POU3F3: variants seen among roughly 807,000 people sequenced by gnomAD.
The protein encoded by POU3F3 is POU class 3 homeobox 3.
In POU3F3, 1 loss-of-function variant was observed where a neutral mutation model predicts 8.6. The ratio of observed to expected loss-of-function variants is 0.12; its 90% confidence interval spans 0.04 to 0.55. POU3F3 has a LOEUF of 0.55. Among genes scored for constraint, POU3F3 ranks in the 20% least tolerant of loss-of-function variants. POU3F3 has a pLI of 0.91. For missense variants in POU3F3, 577 were observed against 690.7 expected (o/e 0.84, Z 1.84); for synonymous variants, 418 against 327.4 (o/e 1.28, Z -2.99).
rs1553426511 is a variant in POU3F3 at position 104,857,073 on chromosome 2, ACCGCCGCCGCCCCTGCCGCCG to A, written c.*72_*92del. 3.4e-6 allele frequency: 4 copies of A among 1,164,210 alleles called. No homozygotes were observed. Among genetic ancestry groups the A allele is most frequent in the Non-Finnish European group, 4.2e-6 (4 of 944,484 alleles). 72.1% of individuals were successfully genotyped at this position (1,164,210 alleles called of 1,614,324 possible). On this transcript the variant is annotated 3_prime_UTR_variant, in exon 1 of 1. Coordinates refer to ENST00000361360, the MANE Select transcript of POU3F3 (RefSeq NM_006236.3). ...CGCCGCCTCCGCAGCCGCCGTCAGC[ACCGCCGCCGCCCCTGCCGCCG>A]CCGCCGCCGCCGCCGCCGCCGCTGC...
chr2:104,927,560 C>T, the POU3F3 span, among the ~76,000 whole-genome samples: 23 of 152,000 alleles, frequency 1.5e-4, no homozygotes, highest in South Asian at 4.2e-4. Context: ...TTCGAGATCA[C>T]GCTGGGCAAC....
chr2:104,901,119 T>C, the POU3F3 span, among the ~76,000 whole-genome samples: 2 of 152,204 alleles, frequency 1.3e-5, no homozygotes, highest in Non-Finnish European at 2.9e-5. Context: ...GTCATAGCAT[T>C]TATCTTTCAT....
At position 104,856,290 on chromosome 2, in the gene POU3F3, G is replaced by A. The variant is rs1676566869; in HGVS notation, c.780G>A (p.Val260=). The part of the protein sequence containing the change: ...GAQSLVHPGL[V]RGDTPELAEH... ...AGAGCTTGGTGCACCCGGGGCTGGT[G>A]CGCGGGGACACGCCAGAGCTGGCCG... is the stretch of plus-strand genomic sequence containing the variant. Residue 260 remains valine, a synonymous_variant, in exon 1 of 1, where the codon GTG becomes GTA. Transcript: ENST00000361360. 1.4e-6 allele frequency: 2 copies of A among 1,479,636 alleles called. No homozygotes were observed. Among genetic ancestry groups the A allele is most frequent in the Non-Finnish European group, 8.9e-7 (1 of 1,123,626 alleles). The allele number at this position is 1,479,636 out of a possible 1,614,324, so 91.7% of individuals were successfully genotyped here.
At chr2:104,872,426 G>T in the POU3F3 span, 1 of 431,260 alleles carries the variant, frequency 2.3e-6, no homozygotes, top group African/African-American at 2.0e-5. This position sits in a 1 kb window ranked among gnomAD's most constrained non-coding sequence, Gnocchi z 4.6. Context: ...GAGAAATCCT[G>T]CTTCCAACTG....
chr2:104,923,834 A>G, the POU3F3 span, among the ~76,000 whole-genome samples: 1 of 152,220 alleles, frequency 6.6e-6, no homozygotes, highest in Admixed American at 6.5e-5. Context: ...AAGGACGAGA[A>G]GATATTCTAT....
At chr2:104,902,516 T>A in the POU3F3 span, among the ~76,000 whole-genome samples, 3 of 152,136 alleles carry the variant, frequency 2.0e-5, no homozygotes, top group African/African-American at 7.2e-5. Context: ...AGTCTCAAAG[T>A]TCAACCTTTT....
chr2:104,855,642 AGGGGGC>A lies in POU3F3; in HGVS notation c.141_146del (p.Gly49_Gly50del), dbSNP rs1192743742. The A allele has an allele frequency of 5.1e-6, 2 of 389,210 alleles. No homozygotes were observed. Among genetic ancestry groups the A allele is most frequent in the Non-Finnish European group, 5.9e-6 (2 of 340,994 alleles). 24.1% of individuals were successfully genotyped at this position (389,210 alleles called of 1,614,324 possible). On this transcript the variant is annotated inframe_deletion, in exon 1 of 1. Transcript: ENST00000361360. ...GCGGCGGCGGCGGCGGGGGCGGCGC[AGGGGGC>A]GGGGGCGGCGGCATGCAGCCGGGCA...
the POU3F3 span, among the ~76,000 whole-genome samples, chr2:104,892,782 G>T: frequency 6.6e-6 from 1 of 151,532 alleles, no homozygotes; most frequent in African/African-American, 2.4e-5. Flanking sequence ...TGCCTGGATC[G>T]AAACTCCTGG....
Position 104,857,628 on chromosome 2 carries a change from GA to G in POU3F3, c.*616del, listed in dbSNP as rs1558704085. The stretch of plus-strand genomic sequence containing the variant: ...ACTTTATTTCCTGGGAGCGACCTGA[GA>G]GAAAACAGAGGCACCAGGTTCCATC... On this transcript the variant is annotated 3_prime_UTR_variant, in exon 1 of 1. Transcript: ENST00000361360. 6.5e-6 allele frequency: 1 copy of G among 153,680 alleles called. No homozygotes were observed. The highest frequency in any genetic ancestry group is 2.4e-5 in the African/African-American group (1 of 41,432). The allele number at this position is 153,680 out of a possible 1,614,324, so 9.5% of individuals were successfully genotyped here.
chr2:104,902,880 G>A, the POU3F3 span, among the ~76,000 whole-genome samples: 1 of 152,034 alleles, frequency 6.6e-6, no homozygotes, highest in Admixed American at 6.6e-5. Flanking sequence ...CAATGTTAAG[G>A]GTATGCAGAC....
In POU3F3 at chr2:104,855,328, C is replaced by A. The variant is rs1203290741; in HGVS notation, c.-183C>A. ...GCGGCGGCGGCGGGGGCGGAGGCGG[C>A]GGCGGAGGAGGAGGCGGCGAAGGCG... is the stretch of plus-strand genomic sequence containing the variant. On this transcript the variant is annotated 5_prime_UTR_variant, in exon 1 of 1. Transcript: ENST00000361360. 7.4e-5 allele frequency among the ~76,000 whole-genome samples: 10 copies of A among 135,902 alleles called. No individual in the cohort carries two copies. Among genetic ancestry groups the A allele is most frequent in the African/African-American group, 2.7e-4 (10 of 37,664 alleles). The allele number at this position is 135,902 out of a possible 152,430, so 89.2% of individuals were successfully genotyped here.
chr2:104,916,008 G>A, the POU3F3 span, among the ~76,000 whole-genome samples: 1 of 140,790 alleles, frequency 7.1e-6, no homozygotes, highest in Non-Finnish European at 1.6e-5. Flanking sequence ...CTCCAGCAAG[G>A]GTGGCCCCTC....
At chr2:104,880,239 C>T in the POU3F3 span, among the ~76,000 whole-genome samples, 4 of 152,168 alleles carry the variant, frequency 2.6e-5, no homozygotes, top group Middle Eastern at 3.2e-3. Context: ...CACTCCACAG[C>T]CAGGAGGATG....
At chr2:104,871,120 C>G in the POU3F3 span, among the ~76,000 whole-genome samples, 1,660 of 152,242 alleles carry the variant, frequency 0.011, 33 homozygotes, top group African/African-American at 0.038. Flanking sequence ...TAGGGTCTGC[C>G]GGATTATCAG....
the POU3F3 span, among the ~76,000 whole-genome samples, chr2:104,918,482 G>A: frequency 6.6e-6 from 1 of 152,148 alleles, no homozygotes; most frequent in Admixed American, 6.5e-5. Flanking sequence ...ACTGGTGGAG[G>A]GTGGGCCCTA....
chr2:104,885,539 C>A, the POU3F3 span, among the ~76,000 whole-genome samples: 1 of 152,300 alleles, frequency 6.6e-6, no homozygotes, highest in East Asian at 1.9e-4. Flanking sequence ...CCGCTATATG[C>A]TAATTATAAT....
chr2:104,862,058 T>C (rs947044218), downstream of POU3F3, among the ~76,000 whole-genome samples: 4 of 152,240 alleles, frequency 2.6e-5, no homozygotes. Flanking sequence ...TTGATTTTGT[T>C]AGCCTGGCTC....
the POU3F3 span, among the ~76,000 whole-genome samples, chr2:104,901,812 C>T: frequency 1.2e-3 from 185 of 152,308 alleles, no homozygotes; most frequent in Non-Finnish European, 2.3e-3. Flanking sequence ...AACAGGCGGC[C>T]GGAGCCACGG....
rs747198984 is a variant in POU3F3, at chr2:104,855,703, G to A, written c.193G>A (p.Gly65Arg). ...CGCCGTGACCTCGGGCGCCTACCGG[G>A]GGGACCCGTCCTCTGTCAAGATGGT... ...SAAVTSGAYR[G>R]DPSSVKMVQS... Residue 65 changes from glycine (G) to arginine (R), a missense_variant, in exon 1 of 1, where the codon GGG (glycine) becomes AGG (arginine). Physicochemically the swap from Gly to Arg is moderately radical, Grantham distance 125. Transcript: ENST00000361360. 30 of 1,229,896 alleles carry A rather than the reference G, an allele frequency of 2.4e-5. No homozygotes were observed. Among genetic ancestry groups the A allele is most frequent in the Non-Finnish European group, 2.9e-5 (28 of 963,012 alleles). The allele number at this position is 1,229,896 out of a possible 1,614,324, so 76.2% of individuals were successfully genotyped here. A position where few individuals can be genotyped will look rare whatever the true frequency, so the allele number is the denominator to read the frequency against.
Sources: gnomAD v4.1 joint callset for allele counts (sites outside exome capture counted in the v4.1 genomes callset) on GRCh38, gnomAD v4.1.1 for gene constraint, Gnocchi (gnomAD v3.1) non-coding constraint, MANE v1.5 for transcripts, NCBI Gene and HGNC (gene_info 2026-07-23, HGNC 2026-07-21) for gene names.